RHCG: variants seen among roughly 807,000 people sequenced by gnomAD.
The protein encoded by RHCG is Rh family C glycoprotein.
A neutral mutation model predicts 55.3 loss-of-function variants in RHCG; 39 were observed. The ratio of observed to expected loss-of-function variants is 0.70; its 90% CI spans 0.55 to 0.92. RHCG has a LOEUF of 0.92. Ranked by LOEUF, RHCG falls within the 40% of genes least tolerant of loss-of-function variation. RHCG has a pLI of 0.00. For missense variants in RHCG, 635 were observed against 627.9 expected (o/e 1.01, Z -0.12); for synonymous variants, 250 against 246.8 (o/e 1.01, Z -0.12).
chr15:89,487,016 G>A (rs1487702870), intron 1 of RHCG, 31 bp from the exon 2 acceptor site: 4 of 1,522,544 alleles, frequency 2.6e-6, no homozygotes, highest in Non-Finnish European at 1.8e-6. Flanking sequence ...GGGACTCGGT[G>A]GTCTGGCGAA....
intron 1 of RHCG, among the ~76,000 whole-genome samples, chr15:89,494,745 C>T (rs1242346499): frequency 6.6e-6 from 1 of 151,710 alleles, no homozygotes; most frequent in African/African-American, 2.4e-5. Context: ...CAAGCTCAAG[C>T]GATCCTCCCA....
chr15:89,476,754 C>T lies in RHCG; in HGVS notation c.1311+1G>A. The T allele has an allele frequency of 6.2e-7, 1 of 1,613,742 alleles. No homozygotes were observed. The highest frequency in any genetic ancestry group is 8.5e-7 in the Non-Finnish European group (1 of 1,179,652). On this transcript the variant is annotated splice_donor_variant, in intron 9 of 10. Coordinates refer to ENST00000268122, the MANE Select transcript of RHCG (RefSeq NM_016321.3). LOFTEE classifies it high-confidence loss of function. ...CAGGGGGCCAAGTCCCTGGAACTCACCTCCCAGTAGACCGCATCCTCAAAG... is the reference window on the plus strand; with the variant it reads ...CAGGGGGCCAAGTCCCTGGAACTCATCTCCCAGTAGACCGCATCCTCAAAG...
chr15:89,496,226 G>T, intron 1 of RHCG, 135 bp downstream of exon 1: 1 of 845,054 alleles, frequency 1.2e-6, no homozygotes. Context: ...CGCATGCCCT[G>T]CAGAGGCCGG....
rs113012412 is a variant in RHCG at position 89,481,799 on chromosome 15, G to T, written c.522+1268C>A. On this transcript the variant is annotated intron_variant, in intron 3 of 10. Transcript: ENST00000268122. The stretch of plus-strand genomic sequence containing the variant: ...ACTATTTATTTATTTGTTTTTTTTT[G>T]TTTGTTTGTTTGTTTTTTTGAGATG... 5.2e-3 allele frequency among the ~76,000 whole-genome samples: 785 copies of T among 151,652 alleles called. 15 individuals are homozygous for T. In the South Asian group the frequency reaches 0.066, roughly 13 times the overall value.
At position 89,480,450 on chromosome 15, in the gene RHCG, C is replaced by T. The variant is rs756967917; in HGVS notation, c.523-42G>A. The T allele has an allele frequency of 5.2e-5, 82 of 1,589,890 alleles. No homozygotes were observed. In the Middle Eastern group the frequency reaches 7.0e-4, roughly 14 times the overall value. On this transcript the variant is annotated intron_variant, in intron 3 of 10. Coordinates refer to ENST00000268122, the MANE Select transcript of RHCG (RefSeq NM_016321.3). ...CTGTCAGACTCTGGCACCTTCTCTC[C>T]CTCCCTCCTCATTGCCGTCCCTGTC...
chr15:89,477,243 G>A lies in RHCG; in HGVS notation c.1113-37C>T. The A allele has an allele frequency of 6.2e-7, 1 of 1,611,694 alleles. No individual in the cohort carries two copies. Among genetic ancestry groups the A allele is most frequent in the South Asian group, 1.1e-5 (1 of 90,960 alleles). ...ACAGGGGGCAGGTCAGGGCCCCATG[G>A]AGAGGCCAAGTAACAGCTTGCTGCC... is the stretch of plus-strand genomic sequence containing the variant. On this transcript the variant is annotated intron_variant, in intron 7 of 10. Coordinates refer to ENST00000268122, the MANE Select transcript of RHCG (RefSeq NM_016321.3). This position sits in a 1 kb window ranked among gnomAD's most constrained non-coding sequence, Gnocchi z 4.5.
At chr15:89,484,088 TG>T (rs11352050) in intron 2 of RHCG, among the ~76,000 whole-genome samples, 152,208 of 152,208 alleles carry the variant, frequency 1, 76,104 homozygotes, top group Non-Finnish European at 1. Flanking sequence ...ATGGGGTGGG[TG>T]GGGGGTCTGT....
At chr15:89,487,056 G>T in intron 1 of RHCG, 71 bp from the exon 2 acceptor site, 1 of 1,384,682 alleles carries the variant, frequency 7.2e-7, no homozygotes, top group Non-Finnish European at 9.6e-7. Context: ...TCTGGGCCAG[G>T]AAGGCCGGGG....
In RHCG at chr15:89,477,704, T is replaced by A. The variant is rs778003523; in HGVS notation, c.976-51A>T. On this transcript the variant is annotated intron_variant, in intron 6 of 10. Transcript: ENST00000268122. This position sits in a 1 kb window ranked among gnomAD's most constrained non-coding sequence, Gnocchi z 4.5. ...CAGGCCGGGGGCTGCATCAAGGGTG[T>A]GGGGAGGCCGGGATTCCAGAGACCC... is the stretch of plus-strand genomic sequence containing the variant. The A allele has an allele frequency of 6.8e-6, 11 of 1,608,100 alleles. No homozygotes were observed. The highest frequency in any genetic ancestry group is 9.4e-6 in the Non-Finnish European group (11 of 1,175,518).
Position 89,479,329 on chromosome 15 carries a change from A to G in RHCG, c.830T>C (p.Leu277Pro). The stretch of plus-strand genomic sequence containing the variant: ...CAACGCCCTCATGCTCACCATGTCC[A>G]GCTTGCCCTTCTTGTGCAGGGCACT... ...ISSALHKKGK[L>P]DMVHIQNATL... The change falls in exon 5 of 11, where the codon CTG (leucine) becomes CCG (proline). Residue 277 changes from leucine to proline, a missense_variant. By Grantham distance (98) the Leu-to-Pro change is moderately conservative. Coordinates refer to ENST00000268122, the MANE Select transcript of RHCG (RefSeq NM_016321.3). 1 of 1,613,406 alleles carries G rather than the reference A, an allele frequency of 6.2e-7. No homozygotes were observed. The highest frequency in any genetic ancestry group is 8.5e-7 in the Non-Finnish European group (1 of 1,179,666).
At chr15:89,474,681 G>A (rs1392464448) in intron 9 of RHCG, among the ~76,000 whole-genome samples, 1 of 152,216 alleles carries the variant, frequency 6.6e-6, no homozygotes, top group Admixed American at 6.5e-5. Flanking sequence ...GAAAGGGGTG[G>A]GATGCTGCAG....
Position 89,477,617 on chromosome 15 carries a change from A to G in RHCG, c.1012T>C (p.Cys338Arg). The G allele has an allele frequency of 6.2e-7, 1 of 1,614,022 alleles. No homozygotes were observed. The highest frequency in any genetic ancestry group is 1.3e-5 in the African/African-American group (1 of 74,994). ...LESRLHIQDT[C>R]GINNLHGIPG... ...ATGCCATGCAGATTGTTAATGCCAC[A>G]TGTGTCCTGGATGTGCAGCCGGGAC... The change falls in exon 7 of 11, where the codon TGT becomes CGT. Residue 338 changes from cysteine (C) to arginine (R), a missense_variant. Physicochemically the swap from Cys to Arg is radical, Grantham distance 180. Transcript: ENST00000268122. This position sits in a 1 kb window ranked among gnomAD's most constrained non-coding sequence, Gnocchi z 4.5.
chr15:89,486,642 G>GTGTGTCTGTA (rs1332671318), intron 2 of RHCG, 157 bp downstream of exon 2: 1 of 466,388 alleles, frequency 2.1e-6, no homozygotes, highest in Non-Finnish European at 4.1e-6. Context: ...GTGTGTGTGT[G>GTGTGTCTGTA]TATCTGTCTC....
At chr15:89,481,789 GT>G (rs201227992) in intron 3 of RHCG, among the ~76,000 whole-genome samples, 87 of 151,082 alleles carry the variant, frequency 5.8e-4, no homozygotes, top group African/African-American at 1.9e-3. Context: ...TTATTTATTT[GT>G]TTTTTTTTGT....
At chr15:89,478,613 C>T (rs559327501) in intron 5 of RHCG, among the ~76,000 whole-genome samples, 1 of 152,284 alleles carries the variant, frequency 6.6e-6, no homozygotes, top group African/African-American at 2.4e-5. Context: ...CTGTCCTTGA[C>T]CCTATTCCAT....
At chr15:89,486,408 C>G in intron 2 of RHCG, 1 of 456,914 alleles carries the variant, frequency 2.2e-6, no homozygotes, top group Non-Finnish European at 4.4e-6. Flanking sequence ...TTTGATGTGC[C>G]GGGCCCGGTC....
At chr15:89,472,463 T>C (rs1162905878) in intron 10 of RHCG, among the ~76,000 whole-genome samples, 1 of 152,186 alleles carries the variant, frequency 6.6e-6, no homozygotes, top group East Asian at 1.9e-4. Flanking sequence ...CCCCCAGGTC[T>C]CCTTCCATAT....
chr15:89,489,326 G>A (rs1567228711), intron 1 of RHCG, among the ~76,000 whole-genome samples: 1 of 151,532 alleles, frequency 6.6e-6, no homozygotes, highest in Non-Finnish European at 1.5e-5. Context: ...ATTTTGCTAT[G>A]TGGGCCAGGC....
chr15:89,472,672 G>A, intron 10 of RHCG, 39 bp downstream of exon 10: 3 of 1,570,954 alleles, frequency 1.9e-6, no homozygotes, highest in Admixed American at 1.8e-5. Context: ...CCCACTGGGA[G>A]AACCTCCCTG....
Sources: allele counts gnomAD v4.1 joint callset (sites outside exome capture counted in the v4.1 genomes callset), GRCh38; gene constraint gnomAD v4.1.1; non-coding constraint Gnocchi (gnomAD v3.1); transcripts MANE v1.5; gene names NCBI Gene and HGNC (gene_info 2026-07-23, HGNC 2026-07-21).